WNK3: variants seen among roughly 807,000 people sequenced by gnomAD.
WNK3 encodes serine/threonine-protein kinase WNK3.
A neutral mutation model predicts 116.7 loss-of-function variants in WNK3; 18 were observed. That is an observed-to-expected ratio of 0.15 (90% CI 0.11 to 0.23). The LOEUF (loss-of-function observed/expected upper bound fraction) is 0.23. Among genes scored for constraint, WNK3 ranks in the 10% least tolerant of loss-of-function variants. The probability of loss-of-function intolerance (pLI) is 1.00; values close to 1 mark genes in which losing one functional copy is unlikely to be tolerated. For missense variants in WNK3, 993 were observed against 1,323.8 expected, an observed-to-expected ratio of 0.75 and a Z score of 3.88; for synonymous variants, 404 against 469.4, an observed-to-expected ratio of 0.86 and a Z score of 1.80.
At chrX:54,252,144 C>T (rs2068140071) in intron 13 of WNK3, among the ~76,000 whole-genome samples, 1 of 108,084 alleles carries the variant, frequency 9.3e-6, no homozygotes, top group African/African-American at 3.4e-5. Flanking sequence ...ATCCAAGTGT[C>T]ACAATAGAAT....
chrX:54,346,083 A>G (rs1200379602), intron 1 of WNK3, among the ~76,000 whole-genome samples: 5 of 97,350 alleles, frequency 5.1e-5, no homozygotes, highest in African/African-American at 1.9e-4. Context: ...CAATATATAA[A>G]TTTAACTCAA....
intron 22 of WNK3, among the ~76,000 whole-genome samples, chrX:54,219,626 C>T (rs1031497377): frequency 1.2e-4 from 11 of 91,809 alleles, no homozygotes; most frequent in East Asian, 3.5e-4. Context: ...TGCAGTGAGC[C>T]GAGATCGCGC....
intron 2 of WNK3, among the ~76,000 whole-genome samples, chrX:54,325,192 T>C (rs782814213): frequency 7.2e-5 from 8 of 111,308 alleles, no homozygotes; most frequent in Middle Eastern, 4.6e-3. Context: ...TTCAGTGTCA[T>C]GTTTGGTTCG....
At chrX:54,300,761 C>A (rs1603393183) in intron 6 of WNK3, among the ~76,000 whole-genome samples, 1 of 111,687 alleles carries the variant, frequency 9.0e-6, no homozygotes, top group East Asian at 2.8e-4. Context: ...AACAAAAAAC[C>A]AAACAAGCCA....
chrX:54,278,525 C>A (rs56129381), intron 10 of WNK3, among the ~76,000 whole-genome samples: 7,640 of 110,081 alleles, frequency 0.069, 664 homozygotes, highest in African/African-American at 0.24. Flanking sequence ...ATGTAATTAA[C>A]AGAGAGTTAA....
At chrX:54,287,323 C>A (rs2068591762) in intron 10 of WNK3, among the ~76,000 whole-genome samples, 1 of 112,024 alleles carries the variant, frequency 8.9e-6, no homozygotes, top group East Asian at 2.8e-4. Flanking sequence ...ACATTTGCCT[C>A]CTGGCTGTTT....
intron 10 of WNK3, among the ~76,000 whole-genome samples, chrX:54,287,761 G>C (rs781863533): frequency 4.1e-4 from 46 of 111,735 alleles, no homozygotes; most frequent in African/African-American, 1.4e-3. Context: ...GTAAGGAAAA[G>C]AGTCAGGAAC....
At chrX:54,240,284 C>G (rs782715013) in intron 17 of WNK3, among the ~76,000 whole-genome samples, 1 of 105,064 alleles carries the variant, frequency 9.5e-6, no homozygotes, top group African/African-American at 3.5e-5. Flanking sequence ...GCCTGGGCAA[C>G]AAGAACGAAA....
At chrX:54,216,063 A>G (rs2067690064) in intron 22 of WNK3, among the ~76,000 whole-genome samples, 1 of 110,016 alleles carries the variant, frequency 9.1e-6, no homozygotes, top group Non-Finnish European at 1.9e-5. Context: ...GCTTTGTTAA[A>G]CAGATGCTTG....
chrX:54,219,176 C>A (rs1354501339), intron 22 of WNK3, among the ~76,000 whole-genome samples: 2 of 110,965 alleles, frequency 1.8e-5, no homozygotes, highest in African/African-American at 3.3e-5. Context: ...CATACCTAGA[C>A]ACTCATAATC....
At chrX:54,227,627 A>C (rs2067857064) in intron 22 of WNK3, among the ~76,000 whole-genome samples, 1 of 112,374 alleles carries the variant, frequency 8.9e-6, no homozygotes. Context: ...ATTTGAACAC[A>C]ACTGTTCATA....
intron 17 of WNK3, among the ~76,000 whole-genome samples, chrX:54,242,527 TA>T: frequency 8.9e-6 from 1 of 112,638 alleles, no homozygotes; most frequent in Admixed American, 9.4e-5. Context: ...AAATGTACTA[TA>T]AAACTACAGT....
chrX:54,341,071 T>C (rs2069315503), intron 1 of WNK3, among the ~76,000 whole-genome samples: 1 of 112,065 alleles, frequency 8.9e-6, no homozygotes, highest in African/African-American at 3.2e-5. Flanking sequence ...AACTGATGAA[T>C]GGATAAACAA....
chrX:54,297,936 G>A (rs1557166657), intron 7 of WNK3, among the ~76,000 whole-genome samples: 3 of 110,259 alleles, frequency 2.7e-5, no homozygotes, highest in South Asian at 3.9e-4. Flanking sequence ...AGCCGGGCGT[G>A]GTGGCGGGCT....
At chrX:54,251,419 G>A in exon 15 of WNK3, 1 of 1,181,596 alleles carries the variant, frequency 8.5e-7, no homozygotes, top group Non-Finnish European at 1.1e-6. Context: ...AGTAGATGTA[G>A]AATTTATCTG....
In WNK3 at chrX:54,259,261, T is replaced by G. The variant is rs782460340; in HGVS notation, c.2102+13A>C. On this transcript the variant is annotated intron_variant, in intron 11 of 23. Transcript: ENST00000354646. ...CCTCATTGTTCTCATGGTATTAATT[T>G]GAAGATACTTACCTTCGAACTAAAT... The G allele has an allele frequency of 1.7e-6, 2 of 1,155,515 alleles. No individual in the cohort carries two copies. The highest frequency in any genetic ancestry group is 1.2e-6 in the Non-Finnish European group (1 of 851,039).
intron 2 of WNK3, among the ~76,000 whole-genome samples, chrX:54,327,991 A>G (rs1253315785): frequency 9.1e-6 from 1 of 109,874 alleles, no homozygotes; most frequent in African/African-American, 3.3e-5. Flanking sequence ...AGAAAAAAAA[A>G]AAGAAAAGAA....
intron 10 of WNK3, among the ~76,000 whole-genome samples, chrX:54,272,662 T>C (rs888733581): frequency 8.9e-6 from 1 of 112,106 alleles, no homozygotes; most frequent in Non-Finnish European, 1.9e-5. Flanking sequence ...GTCAGTGTTA[T>C]ACACATCAAC....
intron 2 of WNK3, among the ~76,000 whole-genome samples, chrX:54,311,788 T>C (rs72620342): frequency 7.2e-5 from 8 of 111,824 alleles, no homozygotes; most frequent in East Asian, 2.8e-4. Context: ...CAAATAGGCA[T>C]TGGACCTCTA....
Sources: allele counts gnomAD v4.1 joint callset (sites outside exome capture counted in the v4.1 genomes callset), GRCh38; gene constraint gnomAD v4.1.1; transcripts MANE v1.5; gene names NCBI Gene and HGNC (gene_info 2026-07-23, HGNC 2026-07-21).